Variants in PRKACB observed in about 807,000 individuals in gnomAD.
PRKACB encodes protein kinase cAMP-activated catalytic subunit beta, also known as cAMP-dependent protein kinase catalytic subunit beta.
In PRKACB, 16 loss-of-function variants were observed where a neutral mutation model predicts 51.4. The observed-to-expected ratio is 0.31, with a 90% CI of 0.21 to 0.47. The LOEUF (loss-of-function observed/expected upper bound fraction) is 0.47. Ranked by LOEUF, PRKACB falls within the 20% of genes least tolerant of loss-of-function variation. PRKACB has a pLI of 1.00. For missense variants in PRKACB, 309 were observed against 464.5 expected (o/e 0.67, Z 3.08); for synonymous variants, 147 against 154.4 (o/e 0.95, Z 0.35).
At chr1:84,228,687 T>A (rs1334288387) in intron 9 of PRKACB, among the ~76,000 whole-genome samples, 1 of 152,184 alleles carries the variant, frequency 6.6e-6, no homozygotes, top group Non-Finnish European at 1.5e-5. Flanking sequence ...TTATATTTCT[T>A]TCCAAACTCT....
At chr1:84,183,308 T>A (rs1160109749) in intron 3 of PRKACB, among the ~76,000 whole-genome samples, 3 of 151,994 alleles carry the variant, frequency 2.0e-5, no homozygotes, top group Non-Finnish European at 2.9e-5. Flanking sequence ...TCAAGATAAA[T>A]TACTTTCCCC....
chr1:84,230,761 GT>G (rs1401176246), intron 9 of PRKACB, among the ~76,000 whole-genome samples: 39 of 149,456 alleles, frequency 2.6e-4, no homozygotes, highest in African/African-American at 9.6e-4. Flanking sequence ...AAGAATGCCT[GT>G]GATTTTTGTA....
At chr1:84,122,815 T>C (rs938980393) in intron 1 of PRKACB, among the ~76,000 whole-genome samples, 8 of 152,190 alleles carry the variant, frequency 5.3e-5, no homozygotes, top group African/African-American at 1.9e-4. Context: ...TGTGAGAATT[T>C]TATAGTTTGA....
Position 84,165,076 on chromosome 1 carries a change from A to G in PRKACB, c.188-14101A>G. ...AAAAAATATATTTATAAGAGGAAAA[A>G]ATATTTTTAAAGGGACAGTTATAAA... On this transcript the variant is annotated intron_variant, in intron 1 of 9. Transcript: ENST00000370685. 2.3e-6 allele frequency: 3 copies of G among 1,295,672 alleles called. No homozygotes were observed. The South Asian group carries it at 4.3e-5, about 19-fold the overall frequency. 80.3% of individuals were successfully genotyped at this position (1,295,672 alleles called of 1,614,324 possible).
chr1:84,204,494 G>T, intron 8 of PRKACB: 1 of 1,600,160 alleles, frequency 6.2e-7, no homozygotes, highest in South Asian at 1.1e-5. Flanking sequence ...CTTTTGATAT[G>T]AACAAAACAA....
chr1:84,184,617 T>A (rs1250080325), intron 4 of PRKACB, among the ~76,000 whole-genome samples: 1 of 151,922 alleles, frequency 6.6e-6, no homozygotes, highest in African/African-American at 2.4e-5. Context: ...TTGAGCTCTT[T>A]GGAATGATAC....
At chr1:84,219,622 T>G (rs977954796) in intron 9 of PRKACB, among the ~76,000 whole-genome samples, 2 of 151,262 alleles carry the variant, frequency 1.3e-5, no homozygotes, top group African/African-American at 2.4e-5. Context: ...TTGAGTGATT[T>G]GGGGATATGG....
intron 1 of PRKACB, among the ~76,000 whole-genome samples, chr1:84,162,423 A>T (rs753228739): frequency 6.6e-6 from 1 of 151,844 alleles, no homozygotes; most frequent in African/African-American, 2.4e-5. Flanking sequence ...CATGAGATAT[A>T]TGTTGGTTCC....
At position 84,185,338 on chromosome 1, in the gene PRKACB, G is replaced by A. The variant is rs556310546; in HGVS notation, c.560+156G>A. 7.9e-5 allele frequency among the ~76,000 whole-genome samples: 12 copies of A among 151,738 alleles called. No individual in the cohort carries two copies. The South Asian group carries it at 2.3e-3, about 29-fold the overall frequency. ...AACAAAGAGGCCACATCATACACAA[G>A]TTTTAATATAAAGAATATAAAAATT... On this transcript the variant is annotated intron_variant, in intron 5 of 9. Transcript: ENST00000370685.
intron 9 of PRKACB, among the ~76,000 whole-genome samples, chr1:84,224,045 G>T (rs926723938): frequency 1.3e-5 from 2 of 152,148 alleles, no homozygotes; most frequent in African/African-American, 4.8e-5. Flanking sequence ...TTTATTCTGG[G>T]TGCATGCAGT....
chr1:84,140,514 A>G (rs2100585832), upstream of PRKACB, among the ~76,000 whole-genome samples: 1 of 152,330 alleles, frequency 6.6e-6, no homozygotes, highest in South Asian at 2.1e-4. Context: ...TACATGGAGC[A>G]CATACATCAT....
chr1:84,177,511 C>T (rs1661705026), intron 1 of PRKACB, among the ~76,000 whole-genome samples: 1 of 152,000 alleles, frequency 6.6e-6, no homozygotes, highest in Admixed American at 6.6e-5. Flanking sequence ...GAGGCTGAGC[C>T]AGAAAGTTCA....
chr1:84,198,720 A>G (rs1308220411), intron 7 of PRKACB, among the ~76,000 whole-genome samples: 1 of 151,680 alleles, frequency 6.6e-6, no homozygotes, highest in Non-Finnish European at 1.5e-5. Flanking sequence ...AATACTCATT[A>G]TACAAAATTT....
upstream of PRKACB, among the ~76,000 whole-genome samples, chr1:84,142,667 G>T (rs1156260995): frequency 6.6e-6 from 1 of 152,114 alleles, no homozygotes; most frequent in Non-Finnish European, 1.5e-5. Context: ...TCAGTGTTTT[G>T]TTAACTGTTA....
intron 8 of PRKACB, among the ~76,000 whole-genome samples, chr1:84,206,209 A>C (rs1325830133): frequency 6.6e-6 from 1 of 152,224 alleles, no homozygotes; most frequent in Non-Finnish European, 1.5e-5. Flanking sequence ...TTCCACTCCT[A>C]ATGAGTAACA....
intron 1 of PRKACB, among the ~76,000 whole-genome samples, chr1:84,165,276 C>T (rs1345713452): frequency 6.6e-6 from 1 of 151,716 alleles, no homozygotes; most frequent in Non-Finnish European, 1.5e-5. Context: ...TTGTTGGGCA[C>T]TGTTATTAAT....
chr1:84,129,167 G>A (rs887092946), intron 1 of PRKACB, among the ~76,000 whole-genome samples: 1 of 152,038 alleles, frequency 6.6e-6, no homozygotes, highest in East Asian at 1.9e-4. Flanking sequence ...ATGTTGAATA[G>A]TAAGATCATT....
chr1:84,215,381 G>A (rs2101587350), intron 9 of PRKACB, among the ~76,000 whole-genome samples: 1 of 152,264 alleles, frequency 6.6e-6, no homozygotes, highest in Non-Finnish European at 1.5e-5. Context: ...AGATTAGTCA[G>A]ATGGTCGTAT....
At chr1:84,210,026 A>G (rs535946465) in intron 8 of PRKACB, among the ~76,000 whole-genome samples, 249 of 152,214 alleles carry the variant, frequency 1.6e-3, no homozygotes, top group African/African-American at 5.8e-3. Flanking sequence ...AGTGTACTCT[A>G]TCTTTGGTAT....
Sources: allele counts gnomAD v4.1 joint callset (sites outside exome capture counted in the v4.1 genomes callset), GRCh38; gene constraint gnomAD v4.1.1; transcripts MANE v1.5; gene names NCBI Gene and HGNC (gene_info 2026-07-23, HGNC 2026-07-21).